HUNK: variants seen among roughly 807,000 people sequenced by gnomAD.
The protein encoded by HUNK is hormonally up-regulated Neu-associated kinase.
In HUNK, 21 loss-of-function variants were observed where a neutral mutation model predicts 61.0. That is an observed-to-expected ratio of 0.34 (90% CI 0.24 to 0.50). The LOEUF (loss-of-function observed/expected upper bound fraction) is 0.50, where lower values mean the gene tolerates loss of function less well. Among genes scored for constraint, HUNK ranks in the 20% least tolerant of loss-of-function variants. The pLI, the probability that HUNK is intolerant of heterozygous loss-of-function variation, is 0.98. For missense variants in HUNK, 772 were observed against 945.7 expected (o/e 0.82, Z 2.41); for synonymous variants, 371 against 386.1 (o/e 0.96, Z 0.46).
intron 4 of HUNK, among the ~76,000 whole-genome samples, chr21:31,956,772 C>A (rs562853735): frequency 7.2e-5 from 11 of 152,230 alleles, no homozygotes; most frequent in Admixed American, 1.3e-4. Flanking sequence ...CCATAGTTTC[C>A]TACTTTCCAT....
intron 1 of HUNK, among the ~76,000 whole-genome samples, chr21:31,915,192 T>C (rs1017687885): frequency 6.6e-6 from 1 of 152,152 alleles, no homozygotes; most frequent in African/African-American, 2.4e-5. Flanking sequence ...ATTTTGGGTT[T>C]TCAGGTTAGA....
intron 1 of HUNK, among the ~76,000 whole-genome samples, chr21:31,874,787 G>A (rs1388747343): frequency 1.3e-5 from 2 of 152,154 alleles, no homozygotes; most frequent in African/African-American, 2.4e-5. Flanking sequence ...AAAGGAAAGG[G>A]GACCTCCGCG....
chr21:32,001,645 A>G lies in HUNK; in HGVS notation c.*2461A>G, dbSNP rs2053246885. The G allele has an allele frequency of 7.2e-6, 1 of 139,674 alleles. No individual in the cohort carries two copies. Among genetic ancestry groups the G allele is most frequent in the Non-Finnish European group, 1.6e-5 (1 of 61,898 alleles). The allele number at this position is 139,674 out of a possible 1,614,324, so 8.7% of individuals were successfully genotyped here. A position where few individuals can be genotyped will look rare whatever the true frequency, so the allele number is the denominator to read the frequency against. On this transcript the variant is annotated 3_prime_UTR_variant, in exon 11 of 11. Coordinates refer to ENST00000270112, the MANE Select transcript of HUNK (RefSeq NM_014586.2). ...TGAGGGGGAGTGATGAAAGGGGATC[A>G]GCTGTATTTGTGTGTGTGTGTGTGT...
At chr21:31,990,800 T>C (rs1235704243) in intron 9 of HUNK, among the ~76,000 whole-genome samples, 2 of 152,124 alleles carry the variant, frequency 1.3e-5, no homozygotes, top group African/African-American at 4.8e-5. Flanking sequence ...CCTCCCAAAG[T>C]GCTAGGATTA....
chr21:31,884,651 T>C (rs1284552028), intron 1 of HUNK, among the ~76,000 whole-genome samples: 1 of 152,078 alleles, frequency 6.6e-6, no homozygotes, highest in Admixed American at 6.5e-5. Context: ...TTCCACCATA[T>C]GAGGACTCAG....
At position 31,998,583 on chromosome 21, in the gene HUNK, C is replaced by T; in HGVS notation, c.1544C>T (p.Ser515Phe). 1 of 1,610,944 alleles carries T rather than the reference C, an allele frequency of 6.2e-7. No individual in the cohort carries two copies. The highest frequency in any genetic ancestry group is 8.5e-7 in the Non-Finnish European group (1 of 1,178,976). ...RKTSDSNCVA[S>F]SSMEFIPVPP... ...ACCTCAGATTCCAATTGTGTGGCTTCTTCTTCCATGGAGTTCATCCCCGTG... is the reference window on the plus strand; with the variant it reads ...ACCTCAGATTCCAATTGTGTGGCTTTTTCTTCCATGGAGTTCATCCCCGTG... The change falls in exon 11 of 11, where the codon TCT (serine) becomes TTT (phenylalanine). Residue 515 changes from serine to phenylalanine, a missense_variant. Ser to Phe is a radical substitution (Grantham distance 155). Coordinates refer to ENST00000270112, the MANE Select transcript of HUNK (RefSeq NM_014586.2).
intron 4 of HUNK, among the ~76,000 whole-genome samples, chr21:31,958,562 C>T (rs1473074051): frequency 6.6e-6 from 1 of 152,060 alleles, no homozygotes; most frequent in East Asian, 1.9e-4. Flanking sequence ...GCTGATGAGG[C>T]AGAGATTGAG....
At chr21:31,939,627 C>T (rs980434928) in intron 2 of HUNK, among the ~76,000 whole-genome samples, 5 of 151,654 alleles carry the variant, frequency 3.3e-5, no homozygotes, top group Admixed American at 6.6e-5. Context: ...AGGCTGGTCT[C>T]GAACTCGCGA....
chr21:31,955,258 A>ATTG (rs1555879620), intron 4 of HUNK, among the ~76,000 whole-genome samples: 9 of 144,964 alleles, frequency 6.2e-5, no homozygotes, highest in Non-Finnish European at 1.2e-4. Context: ...AATAAAAGTG[A>ATTG]TTTTTTTTTT....
At chr21:31,940,327 T>C in intron 3 of HUNK, 107 bp downstream of exon 3, 1 of 616,704 alleles carries the variant, frequency 1.6e-6, no homozygotes, top group Non-Finnish European at 2.7e-6. Context: ...CAGACAATAT[T>C]CTAGATTATC....
chr21:31,974,595 A>G lies in HUNK; in HGVS notation c.1051A>G (p.Met351Val). The change falls in exon 7 of 11, where the codon ATG (methionine) becomes GTG (valine). Residue 351 changes from methionine (M) to valine (V), a missense_variant. Met to Val is a conservative substitution (Grantham distance 21). This residue lies in a region of HUNK where 359 missense variants were observed against 501.3 expected (regional missense o/e 0.72). Coordinates refer to ENST00000270112, the MANE Select transcript of HUNK (RefSeq NM_014586.2). ...TCTGAGCCCGAGCGTCGTGCTGCAC[A>G]TGACCGAGAAGCTGGGTTACAAGAA... Reference protein sequence around the residue: ...EDLSPSVVLHMTEKLGYKNSD... With the variant: ...EDLSPSVVLHVTEKLGYKNSD... 3 of 1,614,072 alleles carry G rather than the reference A, an allele frequency of 1.9e-6. No individual in the cohort carries two copies. Among genetic ancestry groups the G allele is most frequent in the South Asian group, 1.1e-5 (1 of 91,068 alleles).
chr21:31,886,932 G>A (rs769708228), intron 1 of HUNK, among the ~76,000 whole-genome samples: 7 of 152,112 alleles, frequency 4.6e-5, no homozygotes, highest in East Asian at 3.9e-4. Context: ...CACCGTGCCC[G>A]GCCAGAAAAT....
chr21:31,934,260 G>A (rs953849427), intron 2 of HUNK, among the ~76,000 whole-genome samples: 3 of 151,916 alleles, frequency 2.0e-5, no homozygotes, highest in South Asian at 2.1e-4. Context: ...TCGAGACCAC[G>A]GTGAAATCCT....
intron 1 of HUNK, among the ~76,000 whole-genome samples, chr21:31,917,756 A>ACACACC (rs758905742): frequency 1.1e-4 from 13 of 122,488 alleles, no homozygotes; most frequent in East Asian, 2.3e-4. Context: ...ACACACACAC[A>ACACACC]CCCCTGGACT....
At position 31,999,473 on chromosome 21, in the gene HUNK, G is replaced by C. The variant is rs1222489717; in HGVS notation, c.*289G>C. On this transcript the variant is annotated 3_prime_UTR_variant, in exon 11 of 11. Coordinates refer to ENST00000270112, the MANE Select transcript of HUNK (RefSeq NM_014586.2). ...TCCACTTCCCACTTCCCCCAGGCTT[G>C]GGGGGAAAACAGGGCATGAGCCTTC... The C allele has an allele frequency of 2.1e-5, 8 of 386,244 alleles. No individual in the cohort carries two copies. The highest frequency in any genetic ancestry group is 1.6e-4 in the African/African-American group (8 of 49,512). The allele number at this position is 386,244 out of a possible 1,614,324, so 23.9% of individuals were successfully genotyped here.
chr21:31,954,105 A>G (rs897235892), intron 4 of HUNK, among the ~76,000 whole-genome samples: 1 of 152,206 alleles, frequency 6.6e-6, no homozygotes, highest in African/African-American at 2.4e-5. Context: ...CAAGAAAGAA[A>G]CATTCATAAA....
At chr21:31,899,098 G>A (rs1038768489) in intron 1 of HUNK, among the ~76,000 whole-genome samples, 3 of 151,520 alleles carry the variant, frequency 2.0e-5, no homozygotes, top group Admixed American at 6.6e-5. Context: ...GTGCCATGGA[G>A]GAAATGATTT....
chr21:32,001,886 T>G lies in HUNK; in HGVS notation c.*2702T>G, dbSNP rs1430912213. 2 of 152,618 alleles carry G rather than the reference T, an allele frequency of 1.3e-5. No individual in the cohort carries two copies. 9.5% of individuals were successfully genotyped at this position (152,618 alleles called of 1,614,324 possible). On this transcript the variant is annotated 3_prime_UTR_variant, in exon 11 of 11. Coordinates refer to ENST00000270112, the MANE Select transcript of HUNK (RefSeq NM_014586.2). Reference sequence around the variant, plus strand: ...GACTGGACTGTCATTGTGTGAAGTCTAGGAGGAAATGTCCATTTTAATTGT... The same window carrying G: ...GACTGGACTGTCATTGTGTGAAGTCGAGGAGGAAATGTCCATTTTAATTGT...
chr21:31,996,165 A>G (rs903837431), intron 10 of HUNK, among the ~76,000 whole-genome samples: 1 of 152,232 alleles, frequency 6.6e-6, no homozygotes, highest in Non-Finnish European at 1.5e-5. Context: ...GAAAACAGAG[A>G]TGGGGTGCAA....
Sources: allele counts gnomAD v4.1 joint callset (sites outside exome capture counted in the v4.1 genomes callset), GRCh38; gene constraint gnomAD v4.1.1; regional missense constraint gnomAD v4.1.1; transcripts MANE v1.5; gene names NCBI Gene and HGNC (gene_info 2026-07-23, HGNC 2026-07-21).